The following SLC8A2 variants were observed in gnomAD, a reference collection of about 807,000 sequenced individuals.
The protein encoded by SLC8A2 is sodium/calcium exchanger 2.
SLC8A2 carries 14 observed loss-of-function variants against 70.2 expected under a neutral mutation model. The ratio of observed to expected loss-of-function variants is 0.20; its 90% CI spans 0.13 to 0.31. The LOEUF (loss-of-function observed/expected upper bound fraction) is 0.31, where lower values mean the gene tolerates loss of function less well. SLC8A2 is among the 10% of genes least tolerant of loss of function. The pLI is 1.00. For synonymous variants in SLC8A2, 575 were observed against 594.3 expected (o/e 0.97, Z 0.47); for missense variants, 779 against 1,320.1 (o/e 0.59, Z 6.35).
intron 2 of SLC8A2, among the ~76,000 whole-genome samples, chr19:47,460,183 G>C (rs1967376574): frequency 6.6e-6 from 1 of 152,184 alleles, no homozygotes; most frequent in African/African-American, 2.4e-5. Context: ...GACAGGCTGT[G>C]TCTCTAACAG....
At chr19:47,445,884 C>A (rs1222017779) in intron 4 of SLC8A2, among the ~76,000 whole-genome samples, 2 of 152,202 alleles carry the variant, frequency 1.3e-5, no homozygotes, top group Non-Finnish European at 1.5e-5. Context: ...TCGCAGCCCC[C>A]AACCCAAGTT....
chr19:47,446,143 G>C (rs973001468), intron 4 of SLC8A2, among the ~76,000 whole-genome samples: 2 of 152,198 alleles, frequency 1.3e-5, no homozygotes, highest in African/African-American at 4.8e-5. Flanking sequence ...CGCAGAGGCT[G>C]GGAGGAGGAG....
At chr19:47,469,428 G>C (rs954912108) in intron 1 of SLC8A2, among the ~76,000 whole-genome samples, 1 of 152,078 alleles carries the variant, frequency 6.6e-6, no homozygotes, top group African/African-American at 2.4e-5. Context: ...GCCTCGGCCT[G>C]GGAAGTCCTC....
In SLC8A2 at chr19:47,432,037, C is replaced by T; in HGVS notation, c.2389+130G>A. On this transcript the variant is annotated intron_variant, in intron 9 of 9. Coordinates refer to ENST00000236877, the MANE Select transcript of SLC8A2 (RefSeq NM_015063.3). This position sits in a 1 kb window ranked among gnomAD's most constrained non-coding sequence, Gnocchi z 6.2. ...CTGCCTGGCTTCTATTATGCCCCAC[C>T]TCCGTATTTCTCTGAGACCCACCAC... 1 of 841,850 alleles carries T rather than the reference C, an allele frequency of 1.2e-6. No individual in the cohort carries two copies. Among genetic ancestry groups the T allele is most frequent in the Non-Finnish European group, 1.8e-6 (1 of 561,148 alleles). 52.1% of individuals were successfully genotyped at this position (841,850 alleles called of 1,614,324 possible).
At position 47,456,959 on chromosome 19, in the gene SLC8A2, A is replaced by T. The variant is rs1367512900; in HGVS notation, c.1311T>A (p.Ser437=). Residue 437 remains serine (S), a synonymous_variant, in exon 3 of 10, where the codon TCT becomes TCA. Coordinates refer to ENST00000236877, the MANE Select transcript of SLC8A2 (RefSeq NM_015063.3). ...ACTCGTAGTCGGAGCCCGCCTTGGCAGAGCCGTCCTCAGTGCGGTAGTCCA... is the reference window on the plus strand; with the variant it reads ...ACTCGTAGTCGGAGCCCGCCTTGGCTGAGCCGTCCTCAGTGCGGTAGTCCA... The part of the protein sequence containing the change: ...FYVDYRTEDG[S]AKAGSDYEYS... 2 of 1,610,396 alleles carry T rather than the reference A, an allele frequency of 1.2e-6. No homozygotes were observed. Among genetic ancestry groups the T allele is most frequent in the East Asian group, 4.5e-5 (2 of 44,646 alleles).
rs1967053289 is a variant in SLC8A2, at chr19:47,438,022, G to A, written c.1886-49C>T. ...AGACTCCTGGGAGACCTACCTAATT[G>A]GGCCTGTGACGCCTTTACTACCTGT... On this transcript the variant is annotated intron_variant, in intron 6 of 9. Transcript: ENST00000236877. 3 of 1,610,578 alleles carry A rather than the reference G, an allele frequency of 1.9e-6. No homozygotes were observed. The Admixed American group carries it at 5.0e-5, about 27-fold the overall frequency.
intron 3 of SLC8A2, among the ~76,000 whole-genome samples, chr19:47,452,396 TGGAGAGAGAGAGAGAGAG>T (rs1311334093): frequency 2.6e-5 from 2 of 76,172 alleles, no homozygotes; most frequent in African/African-American, 1.1e-4. Flanking sequence ...TATATATATA[TGGAGAGAGAGAGAGAGAG>T]AGAGAGAGAG....
intron 3 of SLC8A2, among the ~76,000 whole-genome samples, chr19:47,449,350 A>T (rs1967208028): frequency 6.6e-6 from 1 of 152,056 alleles, no homozygotes; most frequent in Non-Finnish European, 1.5e-5. Flanking sequence ...TTTGAGACAG[A>T]GTCTCGCTGT....
intron 8 of SLC8A2, among the ~76,000 whole-genome samples, chr19:47,435,497 T>C (rs1001319540): frequency 9.3e-5 from 14 of 150,076 alleles, no homozygotes; most frequent in African/African-American, 3.2e-4. Context: ...GTTCGTGGAA[T>C]GAACCTCAAA....
chr19:47,445,586 C>T lies in SLC8A2; in HGVS notation c.1763+2223G>A, dbSNP rs552667568. ...CTCTCCTCCATCTCCAGCCCAGCTG[C>T]TTCAAAGCGCCTCTAATTAGTGCCT... On this transcript the variant is annotated intron_variant, in intron 4 of 9. Coordinates refer to ENST00000236877, the MANE Select transcript of SLC8A2 (RefSeq NM_015063.3). Among the ~76,000 whole-genome samples the T allele has an allele frequency of 4.6e-5, 7 of 152,188 alleles. No homozygotes were observed. In the East Asian group the frequency reaches 7.7e-4, roughly 17 times the overall value.
chr19:47,447,781 C>T lies in SLC8A2; in HGVS notation c.1763+28G>A, dbSNP rs749784603. 8 of 1,558,792 alleles carry T rather than the reference C, an allele frequency of 5.1e-6. No homozygotes were observed. In the African/African-American group the frequency reaches 1.1e-4, roughly 22 times the overall value. ...CCTCGCCCATTCCGAAGCCCCGCCC[C>T]TCTCCGGGCCGCCTCGGGCGTGCTC... is the stretch of plus-strand genomic sequence containing the variant. On this transcript the variant is annotated intron_variant, in intron 4 of 9. Transcript: ENST00000236877. The surrounding 1 kb of genome is among the most constrained non-coding windows in gnomAD (Gnocchi z 5.1).
intron 4 of SLC8A2, among the ~76,000 whole-genome samples, chr19:47,442,328 A>G (rs1206715147): frequency 6.6e-6 from 1 of 152,204 alleles, no homozygotes; most frequent in Non-Finnish European, 1.5e-5. Context: ...TGATAGAACC[A>G]AAGTCAGACC....
At chr19:47,459,919 C>T in intron 2 of SLC8A2, among the ~76,000 whole-genome samples, 1 of 152,088 alleles carries the variant, frequency 6.6e-6, no homozygotes, top group East Asian at 1.9e-4. Context: ...CATCCTCATC[C>T]ACTACCAAGC....
intron 4 of SLC8A2, among the ~76,000 whole-genome samples, chr19:47,446,211 G>C (rs991953075): frequency 6.6e-6 from 1 of 151,762 alleles, no homozygotes; most frequent in Non-Finnish European, 1.5e-5. Flanking sequence ...CGGCACGGAG[G>C]AGGGAGACAG....
chr19:47,447,785 C>T lies in SLC8A2; in HGVS notation c.1763+24G>A. 2.6e-6 allele frequency: 4 copies of T among 1,564,086 alleles called. No individual in the cohort carries two copies. Among genetic ancestry groups the T allele is most frequent in the East Asian group, 2.4e-5 (1 of 41,898 alleles). On this transcript the variant is annotated intron_variant, in intron 4 of 9. Coordinates refer to ENST00000236877, the MANE Select transcript of SLC8A2 (RefSeq NM_015063.3). The surrounding 1 kb of genome is among the most constrained non-coding windows in gnomAD (Gnocchi z 5.1). ...GCCCATTCCGAAGCCCCGCCCCTCTCCGGGCCGCCTCGGGCGTGCTCACAT... is the reference window on the plus strand; with the variant it reads ...GCCCATTCCGAAGCCCCGCCCCTCTTCGGGCCGCCTCGGGCGTGCTCACAT...
At chr19:47,469,608 A>G (rs1967508365) in intron 1 of SLC8A2, among the ~76,000 whole-genome samples, 1 of 152,110 alleles carries the variant, frequency 6.6e-6, no homozygotes, top group African/African-American at 2.4e-5. Flanking sequence ...TTGCGAGAGG[A>G]GCAGTCAGGG....
rs1475930784 is a variant in SLC8A2, at chr19:47,432,171, G to A, written c.2385C>T (p.Ile795=). 2 of 1,607,798 alleles carry A rather than the reference G, an allele frequency of 1.2e-6. No homozygotes were observed. The highest frequency in any genetic ancestry group is 2.2e-5 in the South Asian group (2 of 90,312). The change falls in exon 9 of 10, where the codon ATC becomes ATT. Residue 795 remains isoleucine, a synonymous_variant. Transcript: ENST00000236877. The surrounding 1 kb of genome is among the most constrained non-coding windows in gnomAD (Gnocchi z 6.2). ...CAAAGTCTCCCAGGGTGTTACCAGGGATGGAGGTGCCCAGGGCAACGAAGA... is the reference window on the plus strand; with the variant it reads ...CAAAGTCTCCCAGGGTGTTACCAGGAATGGAGGTGCCCAGGGCAACGAAGA... ...AVVFVALGTS[I]PDTFASKVAA...
At chr19:47,456,520 G>A (rs529178262) in intron 3 of SLC8A2, among the ~76,000 whole-genome samples, 2 of 152,144 alleles carry the variant, frequency 1.3e-5, no homozygotes, top group Non-Finnish European at 2.9e-5. Flanking sequence ...ACAAAAATAA[G>A]CCGGGTGTGG....
chr19:47,429,948 A>C lies in SLC8A2; in HGVS notation c.*141T>G. ...GACACAGAACAGGGCAATCAAAGCC[A>C]GGGGAGGGGGCGGAGAAGGGAGGCC... is the stretch of plus-strand genomic sequence containing the variant. On this transcript the variant is annotated 3_prime_UTR_variant, in exon 10 of 10. Coordinates refer to ENST00000236877, the MANE Select transcript of SLC8A2 (RefSeq NM_015063.3). 2 of 790,248 alleles carry C rather than the reference A, an allele frequency of 2.5e-6. No individual in the cohort carries two copies. The highest frequency in any genetic ancestry group is 1.8e-5 in the African/African-American group (1 of 54,208). 49.0% of individuals were successfully genotyped at this position (790,248 alleles called of 1,614,324 possible).
Sources: allele counts gnomAD v4.1 joint callset (sites outside exome capture counted in the v4.1 genomes callset), GRCh38; gene constraint gnomAD v4.1.1; non-coding constraint Gnocchi (gnomAD v3.1); transcripts MANE v1.5; gene names NCBI Gene and HGNC (gene_info 2026-07-23, HGNC 2026-07-21).